The following DNAH10 variants were observed in gnomAD, a reference collection of about 807,000 sequenced individuals.
The protein encoded by DNAH10 is axonemal beta dynein heavy chain 10.
DNAH10 carries 348 observed loss-of-function variants against 506.6 expected under a neutral mutation model. The observed-to-expected ratio is 0.69, with a 90% CI of 0.63 to 0.75. The LOEUF is 0.75. DNAH10 is among the 30% of genes least tolerant of loss of function. DNAH10 has a pLI of 0.00. For missense variants in DNAH10, 5,179 were observed against 5,787.1 expected, an observed-to-expected ratio of 0.89 and a Z score of 3.41; for synonymous variants, 2,059 against 2,198.6, an observed-to-expected ratio of 0.94 and a Z score of 1.78.
intron 62 of DNAH10, among the ~76,000 whole-genome samples, chr12:123,915,610 T>G (rs553929892): frequency 7.2e-5 from 11 of 152,318 alleles, no homozygotes; most frequent in African/African-American, 2.6e-4. Flanking sequence ...TTCTTAGGAA[T>G]GGACTCAGAC....
chr12:123,870,317 G>A (rs1170714624), intron 43 of DNAH10, 49 bp from the exon 44 acceptor site: 4 of 1,586,802 alleles, frequency 2.5e-6, no homozygotes, highest in Non-Finnish European at 3.4e-6. Context: ...AACTGCTTTT[G>A]TATTTCCGTG....
At position 123,928,812 on chromosome 12, in the gene DNAH10, A is replaced by C. The variant is rs1321314566; in HGVS notation, c.12306+225A>C. The C allele has an allele frequency of 1.7e-6, 1 of 580,542 alleles. No individual in the cohort carries two copies. The highest frequency in any genetic ancestry group is 1.9e-5 in the African/African-American group (1 of 52,950). 36.0% of individuals were successfully genotyped at this position (580,542 alleles called of 1,614,324 possible). On this transcript the variant is annotated intron_variant, in intron 70 of 78. Transcript: ENST00000673944. This position sits in a 1 kb window ranked among gnomAD's most constrained non-coding sequence, Gnocchi z 4.9. ...CCAGGCCTATCTCTACCAATTCTGC[A>C]TGTGTCCCTAACAATATCTACGCTA...
Position 123,853,088 on chromosome 12 carries a change from A to T in DNAH10, c.6292-118A>T. On this transcript the variant is annotated intron_variant, in intron 35 of 78. Transcript: ENST00000673944. The surrounding 1 kb of genome is among the most constrained non-coding windows in gnomAD (Gnocchi z 4.7). ...TTAGAGATGGAATTTGCTTATTTGT[A>T]GAGCAGCTGCACTGGAACACCTGCC... 8.9e-7 allele frequency: 1 copy of T among 1,118,644 alleles called. No homozygotes were observed. Among genetic ancestry groups the T allele is most frequent in the Non-Finnish European group, 1.2e-6 (1 of 831,908 alleles). The allele number at this position is 1,118,644 out of a possible 1,614,324, so 69.3% of individuals were successfully genotyped here.
chr12:123,859,086 C>A, intron 37 of DNAH10, 64 bp from the exon 38 acceptor site: 1 of 1,410,036 alleles, frequency 7.1e-7, no homozygotes, highest in Non-Finnish European at 9.8e-7. Flanking sequence ...TGTGTTGTAT[C>A]GCAATAAAAC....
At position 123,804,978 on chromosome 12, in the gene DNAH10, G is replaced by A. The variant is rs768995976; in HGVS notation, c.2925G>A (p.Leu975=). ...VHTNTGKAPK[L]ASYYKYWEKK... The stretch of plus-strand genomic sequence containing the variant: ...CCAACACAGGCAAGGCCCCCAAGCT[G>A]GCCTCCTACTACAAATACTGGGAAA... Residue 975 remains leucine, a synonymous_variant, in exon 18 of 79, where the codon CTG becomes CTA. Transcript: ENST00000673944. 1.2e-6 allele frequency: 2 copies of A among 1,614,178 alleles called. No individual in the cohort carries two copies. The highest frequency in any genetic ancestry group is 2.2e-5 in the South Asian group (2 of 91,074).
chr12:123,858,546 C>T (rs1056245064), intron 37 of DNAH10, among the ~76,000 whole-genome samples: 46 of 152,166 alleles, frequency 3.0e-4, no homozygotes, highest in Non-Finnish European at 1.5e-4. Context: ...CAGGTTAAAC[C>T]GAGAGTTACC....
intron 1 of DNAH10, among the ~76,000 whole-genome samples, chr12:123,767,091 A>G (rs958527250): frequency 6.6e-6 from 1 of 151,880 alleles, no homozygotes; most frequent in East Asian, 1.9e-4. Flanking sequence ...TATTTTTAAT[A>G]GAGACGAGGT....
intron 1 of DNAH10, among the ~76,000 whole-genome samples, chr12:123,763,262 A>T (rs926869108): frequency 5.3e-5 from 8 of 152,182 alleles, no homozygotes; most frequent in Non-Finnish European, 1.2e-4. Context: ...GGCCAGGGAC[A>T]CTGAGAGGGC....
In DNAH10 at chr12:123,787,940, C is replaced by G; in HGVS notation, c.1558C>G (p.Arg520Gly). ...AGATCGGTGGGAGTTTGACCGGAAG[C>G]GGCTGTTCGAGAGGACGGATTATAT... ...REDRWEFDRK[R>G]LFERTDYMAT... The change falls in exon 10 of 79, where the codon CGG (arginine) becomes GGG (glycine). Residue 520 changes from arginine to glycine, a missense_variant. This residue lies in a region of DNAH10 where 4,844 missense variants were observed against 5,430.5 expected (regional missense o/e 0.89). Coordinates refer to ENST00000673944, the MANE Select transcript of DNAH10 (RefSeq NM_001372106.1). This position sits in a 1 kb window ranked among gnomAD's most constrained non-coding sequence, Gnocchi z 4.6. The G allele has an allele frequency of 6.2e-7, 1 of 1,602,830 alleles. No individual in the cohort carries two copies. The highest frequency in any genetic ancestry group is 8.5e-7 in the Non-Finnish European group (1 of 1,174,960).
In DNAH10 at chr12:123,813,368, C is replaced by G. The variant is rs766866531; in HGVS notation, c.3349C>G (p.Leu1117Val). The change falls in exon 20 of 79, where the codon CTC becomes GTC. Residue 1117 changes from leucine to valine, a missense_variant. This residue lies in a region of DNAH10 where 4,844 missense variants were observed against 5,430.5 expected (regional missense o/e 0.89). Coordinates refer to ENST00000673944, the MANE Select transcript of DNAH10 (RefSeq NM_001372106.1). ...ACAAAAATGGAAGCGGTATCGACCT[C>G]TCTGGAAATTGGACAAAGCTATTGT... Reference protein sequence around the residue: ...YLQKWKRYRPLWKLDKAIVME... With the variant: ...YLQKWKRYRPVWKLDKAIVME... 2 of 1,614,128 alleles carry G rather than the reference C, an allele frequency of 1.2e-6. No individual in the cohort carries two copies. Among genetic ancestry groups the G allele is most frequent in the African/African-American group, 1.3e-5 (1 of 74,940 alleles).
chr12:123,840,394 GTTTTTTTTTT>G (rs71088961), intron 29 of DNAH10, among the ~76,000 whole-genome samples: 2 of 37,758 alleles, frequency 5.3e-5, no homozygotes, highest in South Asian at 1.2e-3. Flanking sequence ...TCTGTTTCCA[GTTTTTTTTTT>G]TTTTTTTTTT....
intron 7 of DNAH10, among the ~76,000 whole-genome samples, chr12:123,783,677 C>A (rs1001141449): frequency 3.3e-5 from 5 of 152,204 alleles, no homozygotes; most frequent in African/African-American, 1.2e-4. Flanking sequence ...TGGAGAGCTT[C>A]ATTCCTCAGG....
At chr12:123,886,475 G>A (rs749200812) in intron 51 of DNAH10, among the ~76,000 whole-genome samples, 20 of 133,528 alleles carry the variant, frequency 1.5e-4, no homozygotes, top group East Asian at 8.5e-4. Context: ...CGTTGCGCGC[G>A]CGCGCGTGTG....
chr12:123,802,386 A>G (rs955664388), intron 16 of DNAH10, among the ~76,000 whole-genome samples: 1 of 152,130 alleles, frequency 6.6e-6, no homozygotes, highest in Non-Finnish European at 1.5e-5. Context: ...GCTCACTGCA[A>G]TCTCCACCTC....
chr12:123,809,247 C>T (rs536681002), intron 19 of DNAH10, among the ~76,000 whole-genome samples: 73 of 152,346 alleles, frequency 4.8e-4, no homozygotes, highest in African/African-American at 1.6e-3. Flanking sequence ...CTCCTGTCCC[C>T]CCAGTACCTT....
In DNAH10 at chr12:123,764,151, C is replaced by T. The variant is rs538111998; in HGVS notation, c.214+1601C>T. 2.9e-4 allele frequency among the ~76,000 whole-genome samples: 44 copies of T among 152,320 alleles called. 1 individual carries two copies. Among genetic ancestry groups the T allele is most frequent in the African/African-American group, 1.0e-3 (42 of 41,560 alleles). ...GAAGTGCTGGGATTACAGGTGTGAACCATCGCGCTTGGCCACCTTCATTTA... is the reference window on the plus strand; with the variant it reads ...GAAGTGCTGGGATTACAGGTGTGAATCATCGCGCTTGGCCACCTTCATTTA... On this transcript the variant is annotated intron_variant, in intron 1 of 78. Transcript: ENST00000673944.
chr12:123,847,263 TATCC>T (rs71444921), intron 32 of DNAH10, among the ~76,000 whole-genome samples: 4,765 of 117,930 alleles, frequency 0.04, 196 homozygotes, highest in African/African-American at 0.14. Context: ...TCTATCTATC[TATCC>T]ATCCATCCAT....
intron 30 of DNAH10, among the ~76,000 whole-genome samples, chr12:123,843,203 C>T (rs1950831312): frequency 6.6e-6 from 1 of 152,192 alleles, no homozygotes; most frequent in Admixed American, 6.5e-5. Context: ...GAACTTGTTG[C>T]TTCCAACAGG....
intron 29 of DNAH10, among the ~76,000 whole-genome samples, chr12:123,841,013 C>T (rs866963174): frequency 1.3e-5 from 2 of 152,212 alleles, no homozygotes; most frequent in Non-Finnish European, 2.9e-5. Context: ...TCCGCCTCCT[C>T]CACGTTCCAC....
Sources: gnomAD v4.1 joint callset for allele counts (sites outside exome capture counted in the v4.1 genomes callset) on GRCh38, gnomAD v4.1.1 for gene constraint, gnomAD v4.1.1 regional missense constraint, Gnocchi (gnomAD v3.1) non-coding constraint, MANE v1.5 for transcripts, NCBI Gene and HGNC (gene_info 2026-07-23, HGNC 2026-07-21) for gene names.